MIR2052HG: variants seen among roughly 807,000 people sequenced by gnomAD.
The protein encoded by MIR2052HG is MIR2052 host gene.
At chr8:74,641,874 A>G (rs1010982362) in intron 2 of MIR2052HG, among the ~76,000 whole-genome samples, 2 of 152,136 alleles carry the variant, frequency 1.3e-5, no homozygotes, top group Admixed American at 1.3e-4. Context: ...TGTTTTGGGT[A>G]TGCTCAATGG....
intron 1 of MIR2052HG, chr8:74,604,290 T>G: frequency 1.4e-6 from 1 of 719,082 alleles, no homozygotes; most frequent in East Asian, 2.9e-5. Flanking sequence ...GTCAAGTCTT[T>G]GGTCACTGAT....
intron 2 of MIR2052HG, among the ~76,000 whole-genome samples, chr8:74,640,467 C>CAAA (rs35779504): frequency 6.0e-4 from 50 of 83,434 alleles, no homozygotes; most frequent in Non-Finnish European, 8.0e-4. Context: ...GACTCCGTCT[C>CAAA]AAAAAAAAAA....
intron 1 of MIR2052HG, among the ~76,000 whole-genome samples, chr8:74,609,326 T>C (rs989841768): frequency 6.6e-6 from 1 of 151,966 alleles, no homozygotes; most frequent in Non-Finnish European, 1.5e-5. Flanking sequence ...CACAGGAAAC[T>C]TTAGACCCAG....
At chr8:74,625,712 G>C (rs1302915998) in intron 2 of MIR2052HG, among the ~76,000 whole-genome samples, 1 of 152,076 alleles carries the variant, frequency 6.6e-6, no homozygotes, top group East Asian at 1.9e-4. Flanking sequence ...ATCATTTAAA[G>C]ACTTTGACAA....
intron 2 of MIR2052HG, among the ~76,000 whole-genome samples, chr8:74,649,288 A>G (rs1038399681): frequency 6.6e-6 from 1 of 152,186 alleles, no homozygotes; most frequent in Non-Finnish European, 1.5e-5. Flanking sequence ...TATGAAAATG[A>G]CGCCTTGGAT....
chr8:74,681,597 G>A (rs929859288), intron 2 of MIR2052HG, among the ~76,000 whole-genome samples: 1 of 152,058 alleles, frequency 6.6e-6, no homozygotes, highest in African/African-American at 2.4e-5. Context: ...TTAAGGCTCT[G>A]CCCTAATTCA....
chr8:74,673,573 C>T (rs976814784), intron 2 of MIR2052HG, among the ~76,000 whole-genome samples: 1 of 151,974 alleles, frequency 6.6e-6, no homozygotes, highest in Admixed American at 6.6e-5. Context: ...TTGTGTTACA[C>T]TTTGTATCTA....
chr8:74,682,060 G>A (rs185721901), intron 2 of MIR2052HG, among the ~76,000 whole-genome samples: 104 of 152,246 alleles, frequency 6.8e-4, no homozygotes, highest in African/African-American at 2.4e-3. Context: ...GGGTGTTTGT[G>A]AAATGATGGA....
At chr8:74,606,938 T>C (rs77545915) in intron 1 of MIR2052HG, among the ~76,000 whole-genome samples, 2,842 of 151,768 alleles carry the variant, frequency 0.019, 40 homozygotes, top group Middle Eastern at 0.058. Flanking sequence ...TAAAAAACCC[T>C]CAATCCTAAA....
At chr8:74,708,619 A>G (rs1418238703) in intron 4 of MIR2052HG, among the ~76,000 whole-genome samples, 1 of 152,136 alleles carries the variant, frequency 6.6e-6, no homozygotes. Context: ...TTTCATCATG[A>G]AGCTAAACAA....
intron 1 of MIR2052HG, among the ~76,000 whole-genome samples, chr8:74,602,876 T>TCTTTCTTTTCTTTCTTTCTTTCTTTC (rs1554570015): frequency 5.6e-4 from 77 of 137,068 alleles, no homozygotes; most frequent in Non-Finnish European, 7.1e-4. Flanking sequence ...TTTCTTTCTT[T>TCTTTCTTTTCTTTCTTTCTTTCTTTC]TTTCTATTCA....
chr8:74,737,616 T>C (rs181636998), intron 4 of MIR2052HG, among the ~76,000 whole-genome samples: 2 of 152,292 alleles, frequency 1.3e-5, no homozygotes, highest in East Asian at 3.9e-4. Flanking sequence ...CTTTTTGGCC[T>C]AATGTCCTGA....
chr8:74,694,278 C>T (rs1421383308), intron 2 of MIR2052HG, among the ~76,000 whole-genome samples: 5 of 152,278 alleles, frequency 3.3e-5, no homozygotes, highest in Non-Finnish European at 1.5e-5. Context: ...TGCAGTTTGG[C>T]TCTCAGGAAG....
chr8:74,634,711 C>G (rs759938923), intron 2 of MIR2052HG, among the ~76,000 whole-genome samples: 5 of 152,130 alleles, frequency 3.3e-5, no homozygotes, highest in Non-Finnish European at 7.4e-5. Context: ...TGTTAATACA[C>G]TGCTCTTATT....
chr8:74,646,424 G>A (rs1334681052), intron 2 of MIR2052HG, among the ~76,000 whole-genome samples: 1 of 152,196 alleles, frequency 6.6e-6, no homozygotes, highest in Non-Finnish European at 1.5e-5. Context: ...GAAGGAGAAG[G>A]TATTCTTGGG....
chr8:74,742,110 C>T (rs1014429051), intron 4 of MIR2052HG, among the ~76,000 whole-genome samples: 1 of 152,126 alleles, frequency 6.6e-6, no homozygotes, highest in Non-Finnish European at 1.5e-5. Flanking sequence ...AATTTAGAAA[C>T]CCTGCCTCTT....
chr8:74,739,000 T>C (rs1054203463), intron 4 of MIR2052HG, among the ~76,000 whole-genome samples: 3 of 152,164 alleles, frequency 2.0e-5, no homozygotes, highest in Admixed American at 6.5e-5. Context: ...ATGAATGCAA[T>C]AGAAAAGTGT....
At chr8:74,678,870 A>G (rs1809085991) in intron 2 of MIR2052HG, among the ~76,000 whole-genome samples, 1 of 152,118 alleles carries the variant, frequency 6.6e-6, no homozygotes, top group South Asian at 2.1e-4. Flanking sequence ...ATAGTGAACA[A>G]GTTAGGTTTA....
chr8:74,695,888 A>G (rs559879204), intron 2 of MIR2052HG, among the ~76,000 whole-genome samples: 1 of 152,236 alleles, frequency 6.6e-6, no homozygotes, highest in African/African-American at 2.4e-5. Flanking sequence ...GGACTTCAGT[A>G]CTCCACTGAC....
Sources: allele counts gnomAD v4.1 joint callset (sites outside exome capture counted in the v4.1 genomes callset), GRCh38; gene constraint gnomAD v4.1.1; transcripts MANE v1.5; gene names NCBI Gene and HGNC (gene_info 2026-07-23, HGNC 2026-07-21).